The following SLC15A4 variants were observed in gnomAD, a reference collection of about 807,000 sequenced individuals.
The protein encoded by SLC15A4 is solute carrier family 15 member 4, also known as hPHT1.
SLC15A4 carries 26 observed loss-of-function variants against 46.1 expected under a neutral mutation model. That is an observed-to-expected ratio of 0.56 (90% CI 0.41 to 0.78). The LOEUF is 0.78. Ranked by LOEUF, SLC15A4 falls within the 30% of genes least tolerant of loss-of-function variation. The probability of loss-of-function intolerance (pLI) is 0.00; values close to 1 mark genes in which losing one functional copy is unlikely to be tolerated. For missense variants in SLC15A4, 751 were observed against 755.7 expected (o/e 0.99, Z 0.07); for synonymous variants, 370 against 333.4 (o/e 1.11, Z -1.20).
At chr12:128,809,504 G>T (rs1279803952) in intron 3 of SLC15A4, 31 bp from the exon 4 acceptor site, 2 of 1,433,090 alleles carry the variant, frequency 1.4e-6, no homozygotes, top group Non-Finnish European at 1.9e-6. Context: ...CATTATATGT[G>T]GACCAACTGT....
chr12:128,809,051 A>G, intron 4 of SLC15A4, 95 bp from the exon 5 acceptor site: 1 of 1,178,566 alleles, frequency 8.5e-7, no homozygotes. Context: ...ATGCACGTAA[A>G]GAACAGTTCC....
chr12:128,807,406 C>T (rs1955602438), intron 5 of SLC15A4, among the ~76,000 whole-genome samples: 1 of 152,224 alleles, frequency 6.6e-6, no homozygotes, highest in South Asian at 2.1e-4. Flanking sequence ...CAAGTATCTA[C>T]TGGAAAAGCC....
intron 5 of SLC15A4, chr12:128,801,523 A>C (rs1955518958): frequency 6.5e-6 from 1 of 153,044 alleles, no homozygotes; most frequent in African/African-American, 2.4e-5. Context: ...GGGTAGGCTT[A>C]ATCTTTGCAA....
intron 5 of SLC15A4, chr12:128,801,767 T>C (rs944046584): frequency 6.6e-6 from 1 of 152,214 alleles, no homozygotes; most frequent in African/African-American, 2.4e-5. Context: ...AGTTTTATTT[T>C]ATAAAGAATT....
chr12:128,815,657 T>TGCCAC (rs1955742101), intron 1 of SLC15A4: 1 of 154,560 alleles, frequency 6.5e-6, no homozygotes. Context: ...CTGTACCTGG[T>TGCCAC]TGACAAGAGT....
intron 1 of SLC15A4, 88 bp from the exon 2 acceptor site, chr12:128,815,158 G>A (rs1955734175): frequency 1.8e-5 from 23 of 1,263,292 alleles, no homozygotes; most frequent in South Asian, 8.5e-5. Context: ...TAAAATTACC[G>A]TTGTCATCAC....
At chr12:128,816,275 G>A (rs921320653) in intron 1 of SLC15A4, among the ~76,000 whole-genome samples, 1 of 152,176 alleles carries the variant, frequency 6.6e-6, no homozygotes, top group African/African-American at 2.4e-5. Flanking sequence ...GTCTAAATAA[G>A]ATACTGTGCA....
Position 128,794,295 on chromosome 12 carries a change from A to G in SLC15A4, c.1635T>C (p.Ala545=), listed in dbSNP as rs754741807. The G allele has an allele frequency of 4.6e-5, 74 of 1,613,734 alleles. No homozygotes were observed. Among genetic ancestry groups the G allele is most frequent in the Non-Finnish European group, 6.0e-5 (71 of 1,179,770 alleles). The part of the protein sequence containing the change: ...YFFLLAAIQG[A]TLLLFLIISV... ...AAATAATGAGGAAAAGCAGGAGGGT[A>G]GCTCCTTGAATAGCAGCCAGAAGAA... The change falls in exon 8 of 8, where the codon GCT becomes GCC. Residue 545 remains alanine, a synonymous_variant. Transcript: ENST00000266771.
chr12:128,811,521 C>T (rs1955655572), intron 2 of SLC15A4, among the ~76,000 whole-genome samples: 2 of 152,210 alleles, frequency 1.3e-5, no homozygotes, highest in African/African-American at 4.8e-5. Context: ...AAGGGGAGGG[C>T]TCCTGTCCTT....
At position 128,814,890 on chromosome 12, in the gene SLC15A4, C is replaced by T. The variant is rs35580712; in HGVS notation, c.727G>A (p.Gly243Ser). The change falls in exon 2 of 8, where the codon GGC (glycine) becomes AGC (serine). Residue 243 changes from glycine to serine, a missense_variant. Coordinates refer to ENST00000266771, the MANE Select transcript of SLC15A4 (RefSeq NM_145648.4). Reference protein sequence around the residue: ...VGLAFVVFLCGQSVFITKPPD... With the variant: ...VGLAFVVFLCSQSVFITKPPD... ...GGCTTGGTGATGAAAACGCTCTGGC[C>T]ACAGAGGAAGACCACAAAAGCAAGG... 5,641 of 1,614,122 alleles carry T rather than the reference C, an allele frequency of 3.5e-3. 17 individuals carry two copies. The highest frequency in any genetic ancestry group is 4.2e-3 in the Non-Finnish European group (4,921 of 1,180,034).
intron 2 of SLC15A4, among the ~76,000 whole-genome samples, chr12:128,811,755 A>C (rs1366597753): frequency 6.6e-6 from 1 of 152,272 alleles, no homozygotes; most frequent in African/African-American, 2.4e-5. Flanking sequence ...TAAATAACAA[A>C]TAAACCCATT....
At chr12:128,807,479 C>G (rs1168034218) in intron 5 of SLC15A4, among the ~76,000 whole-genome samples, 1 of 152,234 alleles carries the variant, frequency 6.6e-6, no homozygotes, top group South Asian at 2.1e-4. Flanking sequence ...TCCTTGGCAT[C>G]AACCAGTGTG....
At chr12:128,798,610 T>TA (rs1955476309) in intron 7 of SLC15A4, among the ~76,000 whole-genome samples, 2 of 152,338 alleles carry the variant, frequency 1.3e-5, no homozygotes, top group South Asian at 4.1e-4. Flanking sequence ...TTTCTGTAGA[T>TA]AAAATATTTT....
At chr12:128,798,233 T>C (rs966780172) in intron 7 of SLC15A4, among the ~76,000 whole-genome samples, 1 of 152,256 alleles carries the variant, frequency 6.6e-6, no homozygotes, top group Non-Finnish European at 1.5e-5. Flanking sequence ...CTGTCCCATG[T>C]ACCACAAGAG....
chr12:128,801,135 A>G (rs2135707077), intron 5 of SLC15A4, 126 bp from the exon 6 acceptor site: 5 of 868,608 alleles, frequency 5.8e-6, no homozygotes, highest in South Asian at 5.4e-5. Flanking sequence ...ACCACGTCTA[A>G]TCACAGCTTC....
At chr12:128,802,548 G>C (rs550534555) in intron 5 of SLC15A4, among the ~76,000 whole-genome samples, 2 of 152,324 alleles carry the variant, frequency 1.3e-5, no homozygotes, top group East Asian at 3.9e-4. Flanking sequence ...CTTCACAGGA[G>C]AGGAGGAGAG....
intron 5 of SLC15A4, among the ~76,000 whole-genome samples, chr12:128,803,070 C>A (rs925889037): frequency 6.6e-6 from 1 of 151,998 alleles, no homozygotes; most frequent in African/African-American, 2.4e-5. Flanking sequence ...CAAGCGGGCA[C>A]CCAGTAAAAA....
intron 5 of SLC15A4, among the ~76,000 whole-genome samples, chr12:128,802,286 G>A (rs181322828): frequency 1.1e-4 from 16 of 152,240 alleles, no homozygotes; most frequent in African/African-American, 3.1e-4. Flanking sequence ...CCTTCCTCCC[G>A]ACAGGGCAGC....
intron 7 of SLC15A4, among the ~76,000 whole-genome samples, chr12:128,795,855 A>G (rs1955436911): frequency 6.6e-6 from 1 of 152,248 alleles, no homozygotes; most frequent in Non-Finnish European, 1.5e-5. Context: ...TACCATGTAC[A>G]TCACCTGCCA....
Sources: gnomAD v4.1 joint callset for allele counts (sites outside exome capture counted in the v4.1 genomes callset) on GRCh38, gnomAD v4.1.1 for gene constraint, MANE v1.5 for transcripts, NCBI Gene and HGNC (gene_info 2026-07-23, HGNC 2026-07-21) for gene names.